Variants in FRK observed in about 807,000 individuals in gnomAD.
FRK encodes the protein fyn related Src family tyrosine kinase.
A neutral mutation model predicts 56.4 loss-of-function variants in FRK; 51 were observed. The observed-to-expected ratio is 0.90, with a 90% confidence interval of 0.72 to 1.14. The LOEUF (loss-of-function observed/expected upper bound fraction) is 1.14, where lower values mean the gene tolerates loss of function less well. FRK is among the 50% of genes most tolerant of loss of function. The probability of loss-of-function intolerance (pLI) is 0.00; values close to 1 mark genes in which losing one functional copy is unlikely to be tolerated. For missense variants in FRK, 570 were observed against 601.4 expected, an observed-to-expected ratio of 0.95 and a Z score of 0.55; for synonymous variants, 245 against 217.9, an observed-to-expected ratio of 1.12 and a Z score of -1.10.
At chr6:115,988,186 G>T (rs1462882660) in intron 2 of FRK, among the ~76,000 whole-genome samples, 1 of 152,062 alleles carries the variant, frequency 6.6e-6, no homozygotes, top group African/African-American at 2.4e-5. Flanking sequence ...CTTCATGATT[G>T]ACAGGATGCT....
upstream of FRK, among the ~76,000 whole-genome samples, chr6:116,062,019 AAAG>A (rs1741236951): frequency 1.4e-5 from 2 of 146,052 alleles, no homozygotes; most frequent in Admixed American, 1.3e-4. Context: ...AGAAAGAAAG[AAAG>A]AAAAGAAAAG....
upstream of FRK, among the ~76,000 whole-genome samples, chr6:116,061,554 T>TACTA (rs3840533): frequency 0.37 from 56,528 of 151,680 alleles, 10,883 homozygotes; most frequent in Middle Eastern, 0.49. Context: ...TGCTAGTTCT[T>TACTA]ACTAACTTGG....
chr6:116,099,760 A>AGG, the FRK span, among the ~76,000 whole-genome samples: 1 of 152,358 alleles, frequency 6.6e-6, no homozygotes, highest in Admixed American at 6.5e-5. Flanking sequence ...AGTATTTGAA[A>AGG]GGGTTAAATG....
At chr6:115,974,450 G>A (rs915995944) in intron 2 of FRK, among the ~76,000 whole-genome samples, 6 of 152,082 alleles carry the variant, frequency 3.9e-5, no homozygotes, top group African/African-American at 1.4e-4. Context: ...CCAATGCTTG[G>A]CAATAGCACC....
intron 4 of FRK, among the ~76,000 whole-genome samples, chr6:115,957,168 A>G (rs974801540): frequency 6.6e-6 from 1 of 152,212 alleles, no homozygotes; most frequent in South Asian, 2.1e-4. Context: ...CACATGTTTT[A>G]TATGTTCAAC....
chr6:116,032,839 C>T (rs1211686900), intron 1 of FRK, among the ~76,000 whole-genome samples: 1 of 151,822 alleles, frequency 6.6e-6, no homozygotes. Context: ...GTATATATTG[C>T]ATTCAATTCA....
At chr6:115,986,040 T>C (rs1156499356) in intron 2 of FRK, among the ~76,000 whole-genome samples, 1 of 151,588 alleles carries the variant, frequency 6.6e-6, no homozygotes, top group South Asian at 2.1e-4. Flanking sequence ...TTAATATGTG[T>C]ACAAATTTAT....
the FRK span, among the ~76,000 whole-genome samples, chr6:116,073,383 T>G: frequency 6.6e-6 from 1 of 152,182 alleles, no homozygotes; most frequent in African/African-American, 2.4e-5. Context: ...GTGATGAGTT[T>G]CAGCAATTAT....
At chr6:115,950,182 G>T (rs1350989208) in intron 5 of FRK, among the ~76,000 whole-genome samples, 1 of 152,176 alleles carries the variant, frequency 6.6e-6, no homozygotes, top group Admixed American at 6.5e-5. Flanking sequence ...ATTGAGAAAT[G>T]GGATCTAATT....
chr6:116,027,357 G>A (rs1487645179), intron 1 of FRK, among the ~76,000 whole-genome samples: 1 of 152,100 alleles, frequency 6.6e-6, no homozygotes, highest in Non-Finnish European at 1.5e-5. Context: ...AATATAAGTG[G>A]CCTAAATGCT....
the FRK span, among the ~76,000 whole-genome samples, chr6:116,089,751 C>A: frequency 2.0e-5 from 3 of 152,146 alleles, no homozygotes; most frequent in Non-Finnish European, 4.4e-5. Context: ...ACTTAATCAC[C>A]TCTTCAAAGG....
intron 3 of FRK, 119 bp downstream of exon 3, chr6:115,968,457 C>T (rs1194122119): frequency 6.3e-6 from 7 of 1,115,836 alleles, no homozygotes; most frequent in Non-Finnish European, 7.8e-6. Flanking sequence ...TGCCTATACC[C>T]GCCTGAGGTA....
At chr6:115,983,331 C>T (rs1263200495) in intron 2 of FRK, among the ~76,000 whole-genome samples, 2 of 152,126 alleles carry the variant, frequency 1.3e-5, no homozygotes, top group African/African-American at 4.8e-5. Flanking sequence ...CCTCTATTGT[C>T]AACCAGCAAG....
At chr6:116,045,562 A>G (rs1346478761) in intron 1 of FRK, among the ~76,000 whole-genome samples, 1 of 152,254 alleles carries the variant, frequency 6.6e-6, no homozygotes, top group African/African-American at 2.4e-5. Flanking sequence ...CCCCTTCCTT[A>G]CAACTTATAC....
the FRK span, among the ~76,000 whole-genome samples, chr6:116,097,961 G>A: frequency 0.17 from 26,024 of 151,818 alleles, 2,627 homozygotes; most frequent in African/African-American, 0.28. Context: ...TTGGCTCAGC[G>A]TGCCTTAACA....
intron 2 of FRK, among the ~76,000 whole-genome samples, chr6:115,982,635 T>C (rs1223978822): frequency 6.6e-6 from 1 of 151,924 alleles, no homozygotes; most frequent in African/African-American, 2.4e-5. Flanking sequence ...CATTCAGGAG[T>C]GAACCAGGTG....
chr6:115,948,189 G>T (rs577014586), intron 5 of FRK, among the ~76,000 whole-genome samples: 7 of 152,276 alleles, frequency 4.6e-5, no homozygotes, highest in East Asian at 3.9e-4. Context: ...CAGTGGAAAG[G>T]TCCCTCTAGC....
rs1482123901 is a variant in FRK at position 116,014,088 on chromosome 6, TC to T, written c.345-10091del. ...TGATGCACTATGATGTCACTGAGCT[TC>T]ATTAAATCTCTTATCTCAAATAAAA... On this transcript the variant is annotated intron_variant, in intron 1 of 7. Transcript: ENST00000606080. Among the ~76,000 whole-genome samples, 4 of 152,296 alleles carry T rather than the reference TC, an allele frequency of 2.6e-5. No homozygotes were observed. The East Asian group carries it at 7.7e-4, about 29-fold the overall frequency.
intron 2 of FRK, among the ~76,000 whole-genome samples, chr6:115,984,754 T>TA (rs71012318): frequency 0.046 from 6,464 of 141,648 alleles, 138 homozygotes; most frequent in Non-Finnish European, 0.053. Context: ...AAGGGGAGAT[T>TA]AAAAAAAAAA....
Sources: allele counts gnomAD v4.1 joint callset (sites outside exome capture counted in the v4.1 genomes callset), GRCh38; gene constraint gnomAD v4.1.1; transcripts MANE v1.5; gene names NCBI Gene and HGNC (gene_info 2026-07-23, HGNC 2026-07-21).